The following PRKN variants were observed in gnomAD, a reference collection of about 807,000 sequenced individuals.
PRKN encodes the protein E3 ubiquitin-protein ligase parkin.
Under a neutral mutation model 59.5 loss-of-function variants are expected in PRKN, and 56 were observed. The observed-to-expected ratio is 0.94, with a 90% CI of 0.76 to 1.18. PRKN has a LOEUF of 1.18. Ranked by LOEUF, PRKN falls within the 50% of genes most tolerant of loss-of-function variation. The probability of loss-of-function intolerance (pLI) is 0.00; values close to 1 mark genes in which losing one functional copy is unlikely to be tolerated. For synonymous variants in PRKN, 250 were observed against 222.1 expected, an observed-to-expected ratio of 1.13 and a Z score of -1.12; for missense variants, 657 against 596.4, an observed-to-expected ratio of 1.10 and a Z score of -1.06.
chr6:162,433,887 A>G (rs1789651703), intron 2 of PRKN, among the ~76,000 whole-genome samples: 1 of 152,210 alleles, frequency 6.6e-6, no homozygotes, highest in Non-Finnish European at 1.5e-5. Flanking sequence ...TACTCAAAAC[A>G]CAAACATCAG....
intron 6 of PRKN, among the ~76,000 whole-genome samples, chr6:161,831,341 G>A (rs989213241): frequency 1.3e-5 from 2 of 152,198 alleles, no homozygotes; most frequent in Admixed American, 6.5e-5. Flanking sequence ...GTATTTCTAA[G>A]TACATGTGAC....
In PRKN at chr6:161,561,423, T is replaced by C. The variant is rs1235057682; in HGVS notation, c.933+7932A>G. On this transcript the variant is annotated intron_variant, in intron 8 of 11. Transcript: ENST00000366898. The surrounding 1 kb of genome is among the most constrained non-coding windows in gnomAD (Gnocchi z 5.0). ...AGAGGAATCATGGCTGATGTCCTGA[T>C]GTGCTCAACAGATGTTTCCTAAGCA... is the stretch of plus-strand genomic sequence containing the variant. Among the ~76,000 whole-genome samples the C allele has an allele frequency of 6.6e-6, 1 of 152,224 alleles. No homozygotes were observed. Among genetic ancestry groups the C allele is most frequent in the South Asian group, 2.1e-4 (1 of 4,828 alleles).
chr6:162,146,351 G>A (rs1246146415), intron 4 of PRKN, among the ~76,000 whole-genome samples: 1 of 151,828 alleles, frequency 6.6e-6, no homozygotes, highest in African/African-American at 2.4e-5. Flanking sequence ...TTGTTCAAGT[G>A]TGCTGTAAAT....
intron 1 of PRKN, among the ~76,000 whole-genome samples, chr6:162,611,674 G>A (rs1583904316): frequency 6.6e-6 from 1 of 152,190 alleles, no homozygotes; most frequent in Non-Finnish European, 1.5e-5. Flanking sequence ...CATGTGAGGT[G>A]TGTGTCACAC....
intron 1 of PRKN, among the ~76,000 whole-genome samples, chr6:162,709,198 A>G (rs1012944095): frequency 2.6e-5 from 4 of 152,126 alleles, no homozygotes; most frequent in Admixed American, 6.5e-5. Flanking sequence ...TAATTATTTC[A>G]TTATATATTA....
At chr6:161,418,641 A>G (rs1562435102) in intron 9 of PRKN, among the ~76,000 whole-genome samples, 1 of 152,216 alleles carries the variant, frequency 6.6e-6, no homozygotes, top group Non-Finnish European at 1.5e-5. Flanking sequence ...CTCGGCTAAA[A>G]TAACAAGCAT....
At chr6:162,144,067 CACTT>C (rs1460034502) in intron 4 of PRKN, among the ~76,000 whole-genome samples, 6 of 152,090 alleles carry the variant, frequency 3.9e-5, no homozygotes, top group African/African-American at 1.4e-4. Context: ...AAGTGGTTGA[CACTT>C]AAGAAGGCAA....
chr6:162,213,801 CCATACACACACACACACACA>C (rs1777513877), intron 3 of PRKN, among the ~76,000 whole-genome samples: 1 of 67,390 alleles, frequency 1.5e-5, no homozygotes, highest in Non-Finnish European at 3.0e-5. Context: ...CAAAAAAAAA[CCATACACACACACACACACA>C]CACACACACA....
intron 7 of PRKN, among the ~76,000 whole-genome samples, chr6:161,594,558 C>T (rs1295797017): frequency 6.6e-6 from 1 of 152,184 alleles, no homozygotes; most frequent in Non-Finnish European, 1.5e-5. Flanking sequence ...TGTTAGAATT[C>T]AGTCAAACTG....
intron 4 of PRKN, among the ~76,000 whole-genome samples, chr6:162,158,836 G>A (rs1236634865): frequency 6.6e-6 from 1 of 151,898 alleles, no homozygotes; most frequent in African/African-American, 2.4e-5. Flanking sequence ...GGCTTCAAAC[G>A]AGTCTCGTAT....
chr6:162,578,039 C>T (rs933034422), intron 1 of PRKN, among the ~76,000 whole-genome samples: 3 of 152,190 alleles, frequency 2.0e-5, no homozygotes, highest in Non-Finnish European at 2.9e-5. Flanking sequence ...AACATATGCA[C>T]TCGCAACCAC....
rs1777853877 is a variant in PRKN at position 161,498,952 on chromosome 6, A to T, written c.1083+49902T>A. Among the ~76,000 whole-genome samples, 1 of 151,950 alleles carries T rather than the reference A, an allele frequency of 6.6e-6. No individual in the cohort carries two copies. The highest frequency in any genetic ancestry group is 2.1e-4 in the South Asian group (1 of 4,816). ...GAGTGTGTGTGTATGGGGATGGGGG[A>T]GGATTGAGATTCTTCTTTATCTTCT... On this transcript the variant is annotated intron_variant, in intron 9 of 11. Transcript: ENST00000366898. The surrounding 1 kb of genome is among the most constrained non-coding windows in gnomAD (Gnocchi z 4.2).
chr6:162,718,245 C>T (rs1251052831), intron 1 of PRKN, among the ~76,000 whole-genome samples: 1 of 152,102 alleles, frequency 6.6e-6, no homozygotes, highest in Non-Finnish European at 1.5e-5. Context: ...AATAGCATCC[C>T]CATCCCCTCT....
At chr6:162,557,521 T>C (rs535391524) in intron 1 of PRKN, among the ~76,000 whole-genome samples, 1 of 152,180 alleles carries the variant, frequency 6.6e-6, no homozygotes, top group African/African-American at 2.4e-5. Flanking sequence ...TTTCTGTTTG[T>C]TTGTTTTTTT....
chr6:161,607,959 C>A (rs1782344176), intron 7 of PRKN, among the ~76,000 whole-genome samples: 1 of 152,260 alleles, frequency 6.6e-6, no homozygotes, highest in South Asian at 2.1e-4. Flanking sequence ...GAACAGAATG[C>A]CTTCAACATT....
Position 162,338,293 on chromosome 6 carries a change from C to T in PRKN, c.172-75528G>A, listed in dbSNP as rs929132906. Among the ~76,000 whole-genome samples the T allele has an allele frequency of 6.6e-4, 101 of 152,254 alleles. 1 individual carries two copies. The highest frequency in any genetic ancestry group is 1.3e-3 in the Non-Finnish European group (88 of 68,018). On this transcript the variant is annotated intron_variant, in intron 2 of 11. Transcript: ENST00000366898. The stretch of plus-strand genomic sequence containing the variant: ...TCCCTACGGTCTCCCTCTCTTTCCA[C>T]GGTCTCCCTCTCATGCGGAGCCGAA...
At chr6:162,717,056 C>G (rs1053878632) in intron 1 of PRKN, among the ~76,000 whole-genome samples, 1 of 152,164 alleles carries the variant, frequency 6.6e-6, no homozygotes, top group Non-Finnish European at 1.5e-5. Flanking sequence ...AAGAGGCTAT[C>G]CTGGTGGCTC....
At chr6:162,584,226 AAAAAACAAAAAACAAAAAAC>A in intron 1 of PRKN, among the ~76,000 whole-genome samples, 1 of 74,426 alleles carries the variant, frequency 1.3e-5, no homozygotes, top group African/African-American at 3.8e-5. Flanking sequence ...AAAAAAAAAC[AAAAAACAAAAAACAAAAAAC>A]AAAAAAAAAA....
chr6:161,768,173 A>G (rs1481066698), intron 7 of PRKN, among the ~76,000 whole-genome samples: 7 of 152,126 alleles, frequency 4.6e-5, no homozygotes, highest in Non-Finnish European at 7.3e-5. Context: ...TCCCAAGGGA[A>G]GTTAGGGTAT....
Sources: gnomAD v4.1 joint callset for allele counts (sites outside exome capture counted in the v4.1 genomes callset) on GRCh38, gnomAD v4.1.1 for gene constraint, Gnocchi (gnomAD v3.1) non-coding constraint, MANE v1.5 for transcripts, NCBI Gene and HGNC (gene_info 2026-07-23, HGNC 2026-07-21) for gene names.